Variants in METTL16 observed in about 807,000 individuals in gnomAD.
METTL16 encodes the protein RNA N(6)-adenosine-methyltransferase METTL16.
METTL16 carries 19 observed loss-of-function variants against 57.9 expected under a neutral mutation model. The ratio of observed to expected loss-of-function variants is 0.33; its 90% CI spans 0.23 to 0.48. The LOEUF (loss-of-function observed/expected upper bound fraction) is 0.48. Among genes scored for constraint, METTL16 ranks in the 20% least tolerant of loss-of-function variants. The pLI is 0.99. For synonymous variants in METTL16, 246 were observed against 255.6 expected (o/e 0.96, Z 0.36); for missense variants, 434 against 691.5 (o/e 0.63, Z 4.18).
rs926943558 is a variant in METTL16 at position 2,430,599 on chromosome 17, T to C, written c.888+7510A>G. Among the ~76,000 whole-genome samples the C allele has an allele frequency of 6.1e-5, 9 of 148,534 alleles. No individual in the cohort carries two copies. The East Asian group carries it at 1.9e-3, about 31-fold the overall frequency. On this transcript the variant is annotated intron_variant, in intron 8 of 9. Transcript: ENST00000263092. Reference sequence around the variant, plus strand: ...CCGGGCTAATTTTTTTGTATTTTTTTAGTAGAGACGGGGTTTCACTGTGTT... The same window carrying C: ...CCGGGCTAATTTTTTTGTATTTTTTCAGTAGAGACGGGGTTTCACTGTGTT...
intron 2 of METTL16, among the ~76,000 whole-genome samples, chr17:2,478,471 G>A: frequency 6.6e-6 from 1 of 152,168 alleles, no homozygotes. Flanking sequence ...AATTTTAAAT[G>A]TAACTTTTTA....
At chr17:2,463,291 T>A (rs4268798) in intron 6 of METTL16, among the ~76,000 whole-genome samples, 1 of 151,920 alleles carries the variant, frequency 6.6e-6, no homozygotes, top group Non-Finnish European at 1.5e-5. Flanking sequence ...TTTTGTTCTA[T>A]CACAGGACCA....
chr17:2,502,134 TG>T, intron 2 of METTL16, 69 bp downstream of exon 2: 2 of 1,505,474 alleles, frequency 1.3e-6, no homozygotes, highest in East Asian at 2.3e-5. Flanking sequence ...AACACTCAGG[TG>T]GGCTTTCTAT....
At chr17:2,500,106 A>G (rs1321792593) in intron 2 of METTL16, among the ~76,000 whole-genome samples, 1 of 152,156 alleles carries the variant, frequency 6.6e-6, no homozygotes, top group East Asian at 1.9e-4. Context: ...TCTGTCAGAA[A>G]AATGAACATA....
intron 1 of METTL16, among the ~76,000 whole-genome samples, chr17:2,507,445 C>T (rs1372153894): frequency 1.4e-5 from 2 of 147,366 alleles, no homozygotes; most frequent in Admixed American, 1.3e-4. Context: ...CCCGGCCGCC[C>T]CTACTGGGAA....
intron 2 of METTL16, among the ~76,000 whole-genome samples, chr17:2,495,916 C>G (rs1226304876): frequency 1.3e-5 from 2 of 151,534 alleles, no homozygotes; most frequent in East Asian, 3.9e-4. Context: ...TGAGATCAGC[C>G]TGGCCAACAT....
intron 6 of METTL16, among the ~76,000 whole-genome samples, chr17:2,457,305 T>G (rs557965342): frequency 5.1e-5 from 6 of 118,430 alleles, no homozygotes; most frequent in African/African-American, 2.0e-4. Flanking sequence ...GCCACTGCAC[T>G]CCAACATGGA....
intron 8 of METTL16, chr17:2,424,206 C>T (rs1344609872): frequency 2.7e-5 from 4 of 149,956 alleles, no homozygotes; most frequent in Non-Finnish European, 4.5e-5. Flanking sequence ...CTCCGCCTCC[C>T]GGGTTCACGC....
At chr17:2,441,348 C>T (rs551492746) in intron 7 of METTL16, 142 bp downstream of exon 7, 16 of 525,302 alleles carry the variant, frequency 3.0e-5, no homozygotes, top group African/African-American at 3.0e-4. Context: ...ACATGCACAA[C>T]GACATGAATT....
At chr17:2,421,632 G>C (rs925974593) in intron 8 of METTL16, among the ~76,000 whole-genome samples, 8 of 152,192 alleles carry the variant, frequency 5.3e-5, no homozygotes, top group African/African-American at 1.9e-4. Flanking sequence ...GACAACTCGA[G>C]GACCCTGGGG....
intron 2 of METTL16, among the ~76,000 whole-genome samples, chr17:2,502,003 G>A (rs984004816): frequency 6.6e-6 from 1 of 152,042 alleles, no homozygotes; most frequent in African/African-American, 2.4e-5. Context: ...TTTTAAGCCA[G>A]AAGGAAACTT....
In METTL16 at chr17:2,420,832, T is replaced by C; in HGVS notation, c.961A>G (p.Met321Val). The change falls in exon 9 of 10, where the codon ATG becomes GTG. Residue 321 changes from methionine (M) to valine (V), a missense_variant. Transcript: ENST00000263092. The surrounding 1 kb of genome is among the most constrained non-coding windows in gnomAD (Gnocchi z 5.4). ...PITFVVLASV[M>V]KELSLKASPL... ...GATGCTTTGAGGGATAATTCCTTCA[T>C]CACGGACGCCAGCACCACGAATGTT... The C allele has an allele frequency of 6.2e-7, 1 of 1,614,258 alleles. No individual in the cohort carries two copies. Among genetic ancestry groups the C allele is most frequent in the Non-Finnish European group, 8.5e-7 (1 of 1,180,048 alleles).
chr17:2,423,085 G>T (rs1036923093), intron 8 of METTL16, among the ~76,000 whole-genome samples: 5 of 152,144 alleles, frequency 3.3e-5, no homozygotes, highest in African/African-American at 4.8e-5. Flanking sequence ...GATCATTCCA[G>T]TCGTACCTGG....
chr17:2,429,903 C>T lies in METTL16; in HGVS notation c.888+8206G>A, dbSNP rs182869725. ...TCAGCTCACAGCAACCTCTGCCTAC[C>T]GGGTTCAAGCGATTCTCCTGTCTCA... On this transcript the variant is annotated intron_variant, in intron 8 of 9. Coordinates refer to ENST00000263092, the MANE Select transcript of METTL16 (RefSeq NM_024086.4). 2.0e-4 allele frequency among the ~76,000 whole-genome samples: 30 copies of T among 151,040 alleles called. 1 individual carries two copies. The East Asian group carries it at 3.5e-3, about 18-fold the overall frequency.
intron 6 of METTL16, among the ~76,000 whole-genome samples, chr17:2,451,092 CTATTA>C (rs2151556630): frequency 1.3e-5 from 2 of 152,148 alleles, no homozygotes; most frequent in African/African-American, 4.8e-5. Flanking sequence ...ATGAAAAATA[CTATTA>C]TATTACTTTA....
At chr17:2,494,684 C>A (rs1489109319) in intron 2 of METTL16, among the ~76,000 whole-genome samples, 1 of 151,846 alleles carries the variant, frequency 6.6e-6, no homozygotes, top group Non-Finnish European at 1.5e-5. Context: ...CCAGCCTGGG[C>A]AACAGGAACC....
intron 2 of METTL16, among the ~76,000 whole-genome samples, chr17:2,499,961 C>G (rs748735355): frequency 5.9e-5 from 9 of 151,996 alleles, no homozygotes; most frequent in Non-Finnish European, 8.8e-5. Flanking sequence ...GCTTTGTTGG[C>G]CAGGCTGGTC....
intron 4 of METTL16, among the ~76,000 whole-genome samples, chr17:2,470,444 C>G (rs1184299863): frequency 6.6e-6 from 1 of 152,142 alleles, no homozygotes; most frequent in Non-Finnish European, 1.5e-5. Flanking sequence ...TGGGGCAACT[C>G]CAATTATTTG....
intron 7 of METTL16, among the ~76,000 whole-genome samples, chr17:2,439,393 T>C (rs527580553): frequency 1.3e-5 from 2 of 152,186 alleles, no homozygotes; most frequent in Admixed American, 6.5e-5. Flanking sequence ...ATTACAGACA[T>C]GAGCCACTTT....
Sources: allele counts gnomAD v4.1 joint callset (sites outside exome capture counted in the v4.1 genomes callset), GRCh38; gene constraint gnomAD v4.1.1; non-coding constraint Gnocchi (gnomAD v3.1); transcripts MANE v1.5; gene names NCBI Gene and HGNC (gene_info 2026-07-23, HGNC 2026-07-21).